The following CIMAP2 variants were observed in gnomAD, a reference collection of about 807,000 sequenced individuals.
CIMAP2 encodes ciliary microtubule associated protein 2.
At chr1:54,813,158 T>C in the CIMAP2 span, among the ~76,000 whole-genome samples, 55 of 151,344 alleles carry the variant, frequency 3.6e-4, no homozygotes, top group Non-Finnish European at 6.2e-4. Flanking sequence ...TTTTTTTAGA[T>C]CAGTTTCAGG....
chr1:54,811,779 A>ACCCCCCCCCCCCCCCCCCCCC, the CIMAP2 span: 3 of 286,568 alleles, frequency 1.0e-5, no homozygotes, highest in Non-Finnish European at 2.1e-5. Flanking sequence ...CCATGCCCCC[A>ACCCCCCCCCCCCCCCCCCCCC]CCCCCGCCCC....
chr1:54,837,572 T>A, the CIMAP2 span, among the ~76,000 whole-genome samples: 1 of 152,132 alleles, frequency 6.6e-6, no homozygotes, highest in East Asian at 1.9e-4. Flanking sequence ...GCGCCTCTTC[T>A]TCATGGTGCC....
the CIMAP2 span, among the ~76,000 whole-genome samples, chr1:54,823,247 C>G: frequency 1.3e-5 from 2 of 151,984 alleles, no homozygotes; most frequent in African/African-American, 4.8e-5. Flanking sequence ...TCTAAGTGCT[C>G]TGGTGTTGAG....
At chr1:54,842,019 C>T in the CIMAP2 span, 1 of 806,002 alleles carries the variant, frequency 1.2e-6, no homozygotes, top group Admixed American at 2.6e-5. Context: ...ATGGGGATCA[C>T]CTTTGCCAGA....
chr1:54,808,395 A>G, the CIMAP2 span, among the ~76,000 whole-genome samples: 3 of 152,140 alleles, frequency 2.0e-5, no homozygotes, highest in African/African-American at 4.8e-5. Context: ...GAGACTTGCA[A>G]TGTCTGGTAC....
chr1:54,823,442 C>G, the CIMAP2 span, among the ~76,000 whole-genome samples: 1 of 151,736 alleles, frequency 6.6e-6, no homozygotes, highest in Non-Finnish European at 1.5e-5. Context: ...TTTTCCATCC[C>G]TCCACTTCCA....
At chr1:54,814,680 C>T in the CIMAP2 span, among the ~76,000 whole-genome samples, 3 of 152,288 alleles carry the variant, frequency 2.0e-5, no homozygotes, top group South Asian at 6.2e-4. Flanking sequence ...ACAATGAAGG[C>T]CCTTGGACAC....
the CIMAP2 span, chr1:54,812,083 G>T: frequency 3.1e-6 from 5 of 1,614,042 alleles, no homozygotes; most frequent in Non-Finnish European, 4.2e-6. Context: ...TTCTTCAAAA[G>T]CGACCTTGAG....
the CIMAP2 span, among the ~76,000 whole-genome samples, chr1:54,831,812 A>T: frequency 3.3e-5 from 5 of 152,264 alleles, no homozygotes; most frequent in Non-Finnish European, 7.3e-5. Flanking sequence ...TGAGTATTTA[A>T]TCATGGTAAA....
At chr1:54,807,976 A>G in the CIMAP2 span, 1 of 1,596,448 alleles carries the variant, frequency 6.3e-7, no homozygotes, top group Admixed American at 1.8e-5. Flanking sequence ...GGGGCTGCTC[A>G]GCTCTGGGGA....
At chr1:54,806,711 G>A in the CIMAP2 span, among the ~76,000 whole-genome samples, 1 of 151,238 alleles carries the variant, frequency 6.6e-6, no homozygotes, top group African/African-American at 2.4e-5. Context: ...CTTCTGTGGG[G>A]GGTGGGGGTG....
chr1:54,811,765 G>GCCGGGGGGGGGGGCGC, the CIMAP2 span: 1 of 1,301,332 alleles, frequency 7.7e-7, no homozygotes, highest in Non-Finnish European at 1.1e-6. Context: ...GGTTCTGACA[G>GCCGGGGGGGGGGGCGC]CCTCCATGCC....
At chr1:54,814,623 G>A in the CIMAP2 span, among the ~76,000 whole-genome samples, 4 of 152,238 alleles carry the variant, frequency 2.6e-5, no homozygotes, top group Non-Finnish European at 5.9e-5. Context: ...GTCTGGTGTG[G>A]TCTCCTTCCT....
chr1:54,810,596 C>G, the CIMAP2 span, among the ~76,000 whole-genome samples: 117 of 152,326 alleles, frequency 7.7e-4, no homozygotes, highest in African/African-American at 2.7e-3. Flanking sequence ...TCCCCAGGGC[C>G]GGGTTCCAGG....
chr1:54,834,516 T>G, the CIMAP2 span, among the ~76,000 whole-genome samples: 2 of 152,332 alleles, frequency 1.3e-5, no homozygotes, highest in Non-Finnish European at 2.9e-5. Context: ...TTTTACAGTG[T>G]ATACCTATAT....
the CIMAP2 span, chr1:54,811,765 G>GCGGGGGGGGGGGGGGGGGCCCCCCCCCC: frequency 7.7e-7 from 1 of 1,301,332 alleles, no homozygotes; most frequent in Non-Finnish European, 1.1e-6. Flanking sequence ...GGTTCTGACA[G>GCGGGGGGGGGGGGGGGGGCCCCCCCCCC]CCTCCATGCC....
the CIMAP2 span, among the ~76,000 whole-genome samples, chr1:54,823,621 G>A: frequency 1.3e-5 from 2 of 152,130 alleles, no homozygotes; most frequent in Non-Finnish European, 2.9e-5. Context: ...TTTTCTGATT[G>A]TTTTATATAT....
chr1:54,841,589 T>C, the CIMAP2 span: 1 of 1,614,094 alleles, frequency 6.2e-7, no homozygotes, highest in South Asian at 1.1e-5. Flanking sequence ...CTGAACTGAG[T>C]GTGAATTGCT....
the CIMAP2 span, among the ~76,000 whole-genome samples, chr1:54,824,899 T>C: frequency 6.6e-6 from 1 of 151,558 alleles, no homozygotes; most frequent in African/African-American, 2.4e-5. Context: ...GTTTGGGATC[T>C]GTTACTGGAG....
Sources: gnomAD v4.1 joint callset for allele counts (sites outside exome capture counted in the v4.1 genomes callset) on GRCh38, gnomAD v4.1.1 for gene constraint, MANE v1.5 for transcripts, NCBI Gene and HGNC (gene_info 2026-07-23, HGNC 2026-07-21) for gene names.